CSMD1: variants seen among roughly 807,000 people sequenced by gnomAD.
CSMD1 encodes the protein CUB and sushi domain-containing protein 1.
In CSMD1, 213 loss-of-function variants were observed where a neutral mutation model predicts 417.5. That is an observed-to-expected ratio of 0.51 (90% confidence interval 0.46 to 0.57). CSMD1 has a LOEUF of 0.57. Among genes scored for constraint, CSMD1 ranks in the 20% least tolerant of loss-of-function variants. The pLI is 0.00. For synonymous variants in CSMD1, 2,862 were observed against 1,736.8 expected, an observed-to-expected ratio of 1.65 and a Z score of -16.11; for missense variants, 6,923 against 4,529.7, an observed-to-expected ratio of 1.53 and a Z score of -15.17.
Position 3,754,009 on chromosome 8 carries a change from G to A in CSMD1, c.852C>T (p.Ile284=), listed in dbSNP as rs1267879574. The change falls in exon 6 of 70, where the codon ATC becomes ATT. Residue 284 remains isoleucine, a synonymous_variant. Transcript: ENST00000635120. ...GGAGTCGTAGCCAATTCTTGCTACT[G>A]ATAACTGGAGAGGGGAGGTTCATGC... is the stretch of plus-strand genomic sequence containing the variant. ...LTGMNLPSPV[I]SSKNWLRLHF... 2 of 1,612,788 alleles carry A rather than the reference G, an allele frequency of 1.2e-6. No individual in the cohort carries two copies. Among genetic ancestry groups the A allele is most frequent in the Admixed American group, 3.3e-5 (2 of 59,966 alleles).
chr8:3,901,247 T>C (rs1807732505), intron 5 of CSMD1, among the ~76,000 whole-genome samples: 1 of 152,210 alleles, frequency 6.6e-6, no homozygotes, highest in African/African-American at 2.4e-5. Flanking sequence ...AATGTTCTTT[T>C]CCAGTTGTAC....
At position 3,409,615 on chromosome 8, in the gene CSMD1, G is replaced by C. The variant is rs1812556607; in HGVS notation, c.1562-10C>G. 1 of 1,564,008 alleles carries C rather than the reference G, an allele frequency of 6.4e-7. No homozygotes were observed. Among genetic ancestry groups the C allele is most frequent in the Non-Finnish European group, 8.7e-7 (1 of 1,150,052 alleles). On this transcript the variant is annotated splice_polypyrimidine_tract_variant and intron_variant, in intron 12 of 69. Coordinates refer to ENST00000635120, the MANE Select transcript of CSMD1 (RefSeq NM_033225.6). ...CCTCCCTTTTCAATTTCTGAAAATG[G>C]AAAAACAAATGAACCCTTAAAAAAA...
intron 1 of CSMD1, among the ~76,000 whole-genome samples, chr8:4,829,002 T>C (rs1799984747): frequency 6.6e-6 from 1 of 152,318 alleles, no homozygotes; most frequent in East Asian, 1.9e-4. Context: ...AAAACTGCAC[T>C]AATTATTATT....
intron 20 of CSMD1, 103 bp downstream of exon 20, chr8:3,366,929 G>A (rs10092967): frequency 8.9e-6 from 8 of 902,638 alleles, no homozygotes; most frequent in Non-Finnish European, 1.2e-5. Context: ...AAACACACAC[G>A]GATGCACACA....
At chr8:4,686,543 C>G (rs1351711790) in intron 1 of CSMD1, among the ~76,000 whole-genome samples, 1 of 152,228 alleles carries the variant, frequency 6.6e-6, no homozygotes, top group African/African-American at 2.4e-5. Flanking sequence ...CAAACAGCCC[C>G]TGCTACATCC....
At chr8:4,830,869 G>T (rs910103632) in intron 1 of CSMD1, among the ~76,000 whole-genome samples, 1 of 152,120 alleles carries the variant, frequency 6.6e-6, no homozygotes, top group South Asian at 2.1e-4. Context: ...TGGGAAAAAA[G>T]AAAATCAAGA....
chr8:3,073,098 T>A (rs1340390916), intron 49 of CSMD1, among the ~76,000 whole-genome samples: 1 of 152,190 alleles, frequency 6.6e-6, no homozygotes, highest in African/African-American at 2.4e-5. Context: ...GATGCTAAAG[T>A]TCTTAAATAA....
At chr8:3,271,034 T>C (rs571050607) in intron 26 of CSMD1, among the ~76,000 whole-genome samples, 120 of 151,652 alleles carry the variant, frequency 7.9e-4, no homozygotes, top group East Asian at 1.9e-3. Context: ...CCCACTAACT[T>C]GTCATCTAGC....
chr8:4,577,837 C>T (rs1435523760), intron 2 of CSMD1, among the ~76,000 whole-genome samples: 1 of 152,120 alleles, frequency 6.6e-6, no homozygotes, highest in Non-Finnish European at 1.5e-5. Context: ...TTGCATTTTC[C>T]CTGGCACATA....
intron 29 of CSMD1, among the ~76,000 whole-genome samples, chr8:3,218,360 G>C (rs1335370843): frequency 1.3e-5 from 2 of 152,050 alleles, no homozygotes; most frequent in East Asian, 1.9e-4. Flanking sequence ...AGGAGATCGA[G>C]ATCATCCTGG....
Position 4,870,812 on chromosome 8 carries a change from G to A in CSMD1, c.85+123520C>T, listed in dbSNP as rs79119070. ...AAAATGCCACCGAGGAAGAAAGAGC[G>A]AGGAGTGCATTTGCTGGCTCCCCTC... On this transcript the variant is annotated intron_variant, in intron 1 of 69. Transcript: ENST00000635120. Among the ~76,000 whole-genome samples, 246 of 152,256 alleles carry A rather than the reference G, an allele frequency of 1.6e-3. 4 individuals are homozygous for A. In the East Asian group the frequency reaches 0.024, roughly 15 times the overall value.
At chr8:3,804,535 G>A (rs573457446) in intron 5 of CSMD1, among the ~76,000 whole-genome samples, 1 of 152,194 alleles carries the variant, frequency 6.6e-6, no homozygotes, top group East Asian at 1.9e-4. Context: ...GCATCATGTT[G>A]CTATAAATGA....
At position 3,968,558 on chromosome 8, in the gene CSMD1, G is replaced by C. The variant is rs566205538; in HGVS notation, c.818+29345C>G. Among the ~76,000 whole-genome samples the C allele has an allele frequency of 2.4e-4, 37 of 152,182 alleles. 1 individual carries two copies. In the South Asian group the frequency reaches 5.6e-3, roughly 23 times the overall value. ...TTTTTTTCAGATTTTCAGAAGGTTT[G>C]AACAATAACCAAGAGAACAGGTGTA... On this transcript the variant is annotated intron_variant, in intron 5 of 69. Coordinates refer to ENST00000635120, the MANE Select transcript of CSMD1 (RefSeq NM_033225.6).
intron 3 of CSMD1, among the ~76,000 whole-genome samples, chr8:4,212,669 C>G (rs923241032): frequency 6.1e-5 from 9 of 148,064 alleles, no homozygotes. Context: ...TTTTAAAAAT[C>G]TAAGAACAGA....
intron 40 of CSMD1, among the ~76,000 whole-genome samples, chr8:3,146,831 G>C (rs1036936894): frequency 3.3e-5 from 5 of 152,174 alleles, no homozygotes; most frequent in African/African-American, 1.2e-4. Context: ...CGATCCATGG[G>C]AATGGGCTCT....
intron 10 of CSMD1, among the ~76,000 whole-genome samples, chr8:3,502,840 C>G (rs139758272): frequency 3.3e-5 from 5 of 152,190 alleles, no homozygotes; most frequent in Admixed American, 6.5e-5. Flanking sequence ...GGAGTGAGCC[C>G]TAACGTGCAC....
chr8:3,314,185 G>C (rs1377914980), intron 23 of CSMD1, among the ~76,000 whole-genome samples: 1 of 152,050 alleles, frequency 6.6e-6, no homozygotes, highest in East Asian at 1.9e-4. Context: ...ACTAGTTAAT[G>C]GGTGCAGCAC....
chr8:3,950,465 G>A (rs1007042342), intron 5 of CSMD1, among the ~76,000 whole-genome samples: 2 of 152,148 alleles, frequency 1.3e-5, no homozygotes, highest in Non-Finnish European at 1.5e-5. Flanking sequence ...TGGTTCAGCT[G>A]CTAATGCACA....
chr8:4,829,511 G>A (rs962342163), intron 1 of CSMD1, among the ~76,000 whole-genome samples: 5 of 152,032 alleles, frequency 3.3e-5, no homozygotes, highest in Non-Finnish European at 4.4e-5. Context: ...CCAGGCTGAG[G>A]CAGGAGGATC....
Sources: allele counts gnomAD v4.1 joint callset (sites outside exome capture counted in the v4.1 genomes callset), GRCh38; gene constraint gnomAD v4.1.1; transcripts MANE v1.5; gene names NCBI Gene and HGNC (gene_info 2026-07-23, HGNC 2026-07-21).